Variants in DNAH6 observed in about 807,000 individuals in gnomAD.
DNAH6 encodes axonemal beta dynein heavy chain 6.
In DNAH6, 340 loss-of-function variants were observed where a neutral mutation model predicts 491.4. The ratio of observed to expected loss-of-function variants is 0.69; its 90% CI spans 0.63 to 0.76. DNAH6 has a LOEUF of 0.76. Among genes scored for constraint, DNAH6 ranks in the 30% least tolerant of loss-of-function variants. The pLI is 0.00. For synonymous variants in DNAH6, 1,603 were observed against 1,686.1 expected (o/e 0.95, Z 1.21); for missense variants, 4,443 against 4,972.2 (o/e 0.89, Z 3.20).
At chr2:84,502,245 T>A in the DNAH6 span, among the ~76,000 whole-genome samples, 5 of 152,184 alleles carry the variant, frequency 3.3e-5, no homozygotes, top group African/African-American at 4.8e-5. Flanking sequence ...GCTCAAGAAA[T>A]TTTTCAATCT....
intron 4 of DNAH6, among the ~76,000 whole-genome samples, chr2:84,536,022 T>A (rs192820717): frequency 7.2e-4 from 109 of 152,126 alleles, no homozygotes; most frequent in African/African-American, 2.5e-3. Context: ...GCAGAGGGAC[T>A]TCCATATGTA....
chr2:84,506,754 G>A, the DNAH6 span, among the ~76,000 whole-genome samples: 1 of 152,126 alleles, frequency 6.6e-6, no homozygotes, highest in Non-Finnish European at 1.5e-5. Context: ...TAAGGTGTAA[G>A]GAAGGGATCC....
At chr2:84,773,014 T>C (rs1225221384) in intron 64 of DNAH6, among the ~76,000 whole-genome samples, 2 of 152,062 alleles carry the variant, frequency 1.3e-5, no homozygotes, top group Admixed American at 6.6e-5. Context: ...TTCACAAATA[T>C]ATGGAAATAA....
rs905317152 is a variant in DNAH6 at position 84,685,373 on chromosome 2, T to G, written c.6964T>G (p.Phe2322Val). Reference protein sequence around the residue: ...PGTIREEIQIFRLFCHECQRV... With the variant: ...PGTIREEIQIVRLFCHECQRV... ...AACAATAAGAGAAGAAATTCAGATA[T>G]TTAGACTCTTTTGCCATGAGTGCCA... Residue 2322 changes from phenylalanine (F) to valine (V), a missense_variant, in exon 43 of 77, where the codon TTT becomes GTT. This residue lies in a region of DNAH6 where 2,977 missense variants were observed against 3,296.6 expected (regional missense o/e 0.90). Transcript: ENST00000389394. The G allele has an allele frequency of 1.3e-6, 2 of 1,527,992 alleles. No homozygotes were observed. The highest frequency in any genetic ancestry group is 2.8e-5 in the African/African-American group (2 of 72,684). The allele number at this position is 1,527,992 out of a possible 1,614,324, so 94.7% of individuals were successfully genotyped here.
the DNAH6 span, among the ~76,000 whole-genome samples, chr2:84,475,883 A>G: frequency 6.6e-6 from 1 of 152,310 alleles, no homozygotes; most frequent in South Asian, 2.1e-4. Flanking sequence ...ATCCTTTCTC[A>G]TGCCCATAAG....
intron 22 of DNAH6, among the ~76,000 whole-genome samples, chr2:84,615,342 A>G (rs921759011): frequency 1.3e-5 from 2 of 151,882 alleles, no homozygotes; most frequent in African/African-American, 2.4e-5. Context: ...TCAGTTGGCT[A>G]TAAGTATTTT....
intron 33 of DNAH6, among the ~76,000 whole-genome samples, chr2:84,643,899 T>TGG (rs201423503): frequency 0.029 from 3,870 of 134,668 alleles, 148 homozygotes; most frequent in African/African-American, 0.14. Context: ...TCAAATTGTG[T>TGG]TTTTTTTTGT....
In DNAH6 at chr2:84,813,064, C is replaced by A; in HGVS notation, c.11932C>A (p.Leu3978Ile). 6.4e-7 allele frequency: 1 copy of A among 1,551,020 alleles called. No homozygotes were observed. Among genetic ancestry groups the A allele is most frequent in the East Asian group, 2.4e-5 (1 of 40,918 alleles). Residue 3978 changes from leucine to isoleucine, a missense_variant, in exon 74 of 77, where the codon CTC becomes ATC. Coordinates refer to ENST00000389394, the MANE Select transcript of DNAH6 (RefSeq NM_001370.2). ...ILRTSFVDLWLKRGQPKSYWI... is the reference protein window; with the variant it reads ...ILRTSFVDLWIKRGQPKSYWI... ...GAATATGTTTCTCCTTCAGCTGTGG[C>A]TCAAAAGAGGACAGCCTAAGTCCTA...
chr2:84,705,830 T>C, intron 52 of DNAH6, 83 bp downstream of exon 52: 1 of 1,427,574 alleles, frequency 7.0e-7, no homozygotes, highest in South Asian at 1.5e-5. Flanking sequence ...AATGTTACTG[T>C]GGTCCTACGC....
Position 84,616,909 on chromosome 2 carries a change from A to G in DNAH6, c.3499A>G (p.Asn1167Asp), listed in dbSNP as rs1286031568. 4 of 1,491,890 alleles carry G rather than the reference A, an allele frequency of 2.7e-6. No homozygotes were observed. 92.4% of individuals were successfully genotyped at this position (1,491,890 alleles called of 1,614,324 possible). The change falls in exon 23 of 77, where the codon AAT becomes GAT. Residue 1167 changes from asparagine to aspartate, a missense_variant. Around this residue, in one of 3 missense-constraint regions of DNAH6, gnomAD observed 2,977 missense variants for 3,296.6 expected, o/e 0.90. Coordinates refer to ENST00000389394, the MANE Select transcript of DNAH6 (RefSeq NM_001370.2). ...AGGACTTCTGGAAACTTTTCAAAAC[A>G]ATAATGCATTACTTGACCAAATTCA... ...QPGLLETFQNNNALLDQIQKC... is the reference protein window; with the variant it reads ...QPGLLETFQNDNALLDQIQKC...
At chr2:84,609,867 G>A (rs558002608) in intron 21 of DNAH6, among the ~76,000 whole-genome samples, 1 of 152,162 alleles carries the variant, frequency 6.6e-6, no homozygotes, top group Admixed American at 6.6e-5. Context: ...TCTGCAAAAT[G>A]GAATAAATGA....
At chr2:84,651,583 A>C (rs913842544) in intron 33 of DNAH6, among the ~76,000 whole-genome samples, 18 of 151,516 alleles carry the variant, frequency 1.2e-4, no homozygotes, top group African/African-American at 3.9e-4. Flanking sequence ...TAAAGACAGT[A>C]AGCTTTTCCT....
chr2:84,796,707 A>C (rs1449178353), intron 69 of DNAH6, among the ~76,000 whole-genome samples: 1 of 152,210 alleles, frequency 6.6e-6, no homozygotes, highest in African/African-American at 2.4e-5. Context: ...AATGTAATCA[A>C]ATAAAACATC....
chr2:84,715,528 G>T, intron 57 of DNAH6, 32 bp from the exon 58 acceptor site: 10 of 1,545,640 alleles, frequency 6.5e-6, no homozygotes, highest in Non-Finnish European at 8.8e-6. Flanking sequence ...TTGCACTTAA[G>T]CATTTTTATG....
intron 58 of DNAH6, among the ~76,000 whole-genome samples, chr2:84,716,864 G>A (rs1409262772): frequency 6.6e-6 from 1 of 152,154 alleles, no homozygotes; most frequent in Non-Finnish European, 1.5e-5. Flanking sequence ...CCTTAGCCAG[G>A]GTGAGGATGG....
At chr2:84,733,817 G>T (rs1328063571) in intron 62 of DNAH6, among the ~76,000 whole-genome samples, 2 of 151,152 alleles carry the variant, frequency 1.3e-5, no homozygotes, top group African/African-American at 4.9e-5. Context: ...TATATTTTAT[G>T]TATATATTTG....
chr2:84,658,090 A>G (rs751867427), intron 35 of DNAH6, among the ~76,000 whole-genome samples: 1 of 151,876 alleles, frequency 6.6e-6, no homozygotes, highest in Non-Finnish European at 1.5e-5. Flanking sequence ...ACCATCAACT[A>G]CCCATAATTT....
At chr2:84,765,356 C>T (rs1674980120) in intron 64 of DNAH6, among the ~76,000 whole-genome samples, 1 of 152,140 alleles carries the variant, frequency 6.6e-6, no homozygotes. Context: ...GTTGTATTAA[C>T]TTCATCGCTT....
chr2:84,802,717 A>C (rs1051239136), intron 70 of DNAH6, among the ~76,000 whole-genome samples: 1 of 152,208 alleles, frequency 6.6e-6, no homozygotes, highest in Non-Finnish European at 1.5e-5. Context: ...TGGACCTAAT[A>C]GACATCTACA....
Sources: gnomAD v4.1 joint callset for allele counts (sites outside exome capture counted in the v4.1 genomes callset) on GRCh38, gnomAD v4.1.1 for gene constraint, gnomAD v4.1.1 regional missense constraint, MANE v1.5 for transcripts, NCBI Gene and HGNC (gene_info 2026-07-23, HGNC 2026-07-21) for gene names.